Variants in KCNH8 observed in about 807,000 individuals in gnomAD.
The protein encoded by KCNH8 is voltage-gated delayed rectifier potassium channel KCNH8.
A neutral mutation model predicts 103.6 loss-of-function variants in KCNH8; 70 were observed. The observed-to-expected ratio is 0.68, with a 90% CI of 0.56 to 0.82. KCNH8 has a LOEUF of 0.82. Ranked by LOEUF, KCNH8 falls within the 40% of genes least tolerant of loss-of-function variation. The probability of loss-of-function intolerance (pLI) is 0.00; values close to 1 mark genes in which losing one functional copy is unlikely to be tolerated. For synonymous variants in KCNH8, 498 were observed against 489.4 expected, an observed-to-expected ratio of 1.02 and a Z score of -0.23; for missense variants, 1,217 against 1,329.9, an observed-to-expected ratio of 0.92 and a Z score of 1.32.
chr3:19,304,952 C>T (rs9834655), intron 3 of KCNH8, among the ~76,000 whole-genome samples: 283 of 151,710 alleles, frequency 1.9e-3, no homozygotes, highest in African/African-American at 6.4e-3. Flanking sequence ...AAAAGAGTAC[C>T]AAAAATTAAA....
At chr3:19,327,978 G>A (rs989515900) in intron 3 of KCNH8, among the ~76,000 whole-genome samples, 2 of 152,126 alleles carry the variant, frequency 1.3e-5, no homozygotes, top group African/African-American at 4.8e-5. Context: ...CTTAAGAGAT[G>A]CTCAATAAGT....
intron 1 of KCNH8, among the ~76,000 whole-genome samples, chr3:19,209,555 G>A (rs1575438475): frequency 6.6e-6 from 1 of 152,014 alleles, no homozygotes; most frequent in East Asian, 1.9e-4. Flanking sequence ...ACATTGTAAA[G>A]CATTCAAACC....
intron 1 of KCNH8, among the ~76,000 whole-genome samples, chr3:19,160,585 C>T (rs149788774): frequency 1.8e-4 from 27 of 152,158 alleles, no homozygotes; most frequent in Non-Finnish European, 2.9e-4. Context: ...ATACAGTACC[C>T]GGCCCCTTAA....
At position 19,392,215 on chromosome 3, in the gene KCNH8, T is replaced by G. The variant is rs763162851; in HGVS notation, c.969+1577T>G. Among the ~76,000 whole-genome samples, 106 of 150,572 alleles carry G rather than the reference T, an allele frequency of 7.0e-4. 1 individual carries two copies. Among genetic ancestry groups the G allele is most frequent in the South Asian group, 5.4e-3 (26 of 4,806 alleles). ...ATTCGCATGTTTGATGAATTTTAAA[T>G]ATTTATATACTTTCACTACACTCCT... On this transcript the variant is annotated intron_variant, in intron 6 of 15. Transcript: ENST00000328405.
rs370859395 is a variant in KCNH8, at chr3:19,225,788, A to C, written c.77-27866A>C. ...CCGCATTCATAGATGGCTGATTCGG[A>C]TAATATTTATGTCCACAATATGGAC... On this transcript the variant is annotated intron_variant, in intron 1 of 15. Transcript: ENST00000328405. 2.0e-4 allele frequency among the ~76,000 whole-genome samples: 31 copies of C among 152,302 alleles called. No individual in the cohort carries two copies. The South Asian group carries it at 5.8e-3, about 29-fold the overall frequency.
chr3:19,511,394 A>C (rs1179812412), intron 12 of KCNH8, among the ~76,000 whole-genome samples: 1 of 152,208 alleles, frequency 6.6e-6, no homozygotes, highest in East Asian at 1.9e-4. Flanking sequence ...TTGACAGGTT[A>C]TTAGAGAATT....
chr3:19,524,752 G>A (rs1011494444), intron 15 of KCNH8, among the ~76,000 whole-genome samples: 12 of 152,046 alleles, frequency 7.9e-5, no homozygotes, highest in African/African-American at 2.6e-4. Context: ...GGATATATCA[G>A]TAAGGGCCCA....
chr3:19,347,728 G>A lies in KCNH8; in HGVS notation c.574G>A (p.Val192Ile), dbSNP rs377522233. The A allele has an allele frequency of 1.2e-6, 2 of 1,612,726 alleles. No homozygotes were observed. Among genetic ancestry groups the A allele is most frequent in the Non-Finnish European group, 1.7e-6 (2 of 1,179,162 alleles). Residue 192 changes from valine (V) to isoleucine (I), a missense_variant, in exon 5 of 16, where the codon GTT (valine) becomes ATT (isoleucine). Physicochemically the swap from Val to Ile is conservative, Grantham distance 29. This residue lies in a region of KCNH8 where 244 missense variants were observed against 256.8 expected (regional missense o/e 0.95). Coordinates refer to ENST00000328405, the MANE Select transcript of KCNH8 (RefSeq NM_144633.3). ...EKNKLKINNN[V>I]FVDKPAFPEY... ...TCCTTTTTGTCTTCATCCACAGAAT[G>A]TTTTTGTAGATAAACCAGCATTTCC...
intron 11 of KCNH8, among the ~76,000 whole-genome samples, chr3:19,471,872 A>G (rs1309948201): frequency 6.6e-6 from 1 of 152,202 alleles, no homozygotes; most frequent in Non-Finnish European, 1.5e-5. Context: ...CATTCATAGG[A>G]AACATGTTTC....
chr3:19,415,013 CTT>C lies in KCNH8; in HGVS notation c.1177+19704_1177+19705del, dbSNP rs541744880. ...GCCCTTCAGTTCTCACTTGCTCCCT[CTT>C]TCTCTCCTCTACTATTATAAACTTG... On this transcript the variant is annotated intron_variant, in intron 7 of 15. Coordinates refer to ENST00000328405, the MANE Select transcript of KCNH8 (RefSeq NM_144633.3). Among the ~76,000 whole-genome samples the C allele has an allele frequency of 6.4e-4, 98 of 152,078 alleles. No homozygotes were observed. The East Asian group carries it at 0.012, about 18-fold the overall frequency.
chr3:19,315,141 G>C (rs1185069726), intron 3 of KCNH8, among the ~76,000 whole-genome samples: 1 of 151,936 alleles, frequency 6.6e-6, no homozygotes, highest in African/African-American at 2.4e-5. Flanking sequence ...TCATGTTCTA[G>C]AATCATAACA....
chr3:19,259,583 C>G (rs1263661310), intron 2 of KCNH8, among the ~76,000 whole-genome samples: 2 of 151,590 alleles, frequency 1.3e-5, no homozygotes, highest in African/African-American at 2.4e-5. Context: ...GTCATTGTCC[C>G]TTATTTTATT....
chr3:19,248,733 T>A (rs2064238828), intron 1 of KCNH8, among the ~76,000 whole-genome samples: 1 of 152,174 alleles, frequency 6.6e-6, no homozygotes, highest in South Asian at 2.1e-4. Context: ...TGAAAGAAGC[T>A]AATAGTGGAT....
intron 1 of KCNH8, among the ~76,000 whole-genome samples, chr3:19,185,005 C>T (rs1333691350): frequency 1.3e-5 from 2 of 151,828 alleles, no homozygotes; most frequent in African/African-American, 4.8e-5. Flanking sequence ...ATATACCATA[C>T]TTGGTTTATC....
In KCNH8 at chr3:19,534,392, A is replaced by G. The variant is rs1559376115; in HGVS notation, c.*293A>G. The G allele has an allele frequency of 2.6e-6, 1 of 389,038 alleles. No homozygotes were observed. Among genetic ancestry groups the G allele is most frequent in the Non-Finnish European group, 4.6e-6 (1 of 218,278 alleles). The allele number at this position is 389,038 out of a possible 1,614,324, so 24.1% of individuals were successfully genotyped here. On this transcript the variant is annotated 3_prime_UTR_variant, in exon 16 of 16. Coordinates refer to ENST00000328405, the MANE Select transcript of KCNH8 (RefSeq NM_144633.3). ...GGGTCTGAGCAGCTAGAAGTCCTAG[A>G]CAAAGAACTTGTGGATGACTTTTGT...
At chr3:19,351,919 C>T (rs2065808619) in intron 5 of KCNH8, among the ~76,000 whole-genome samples, 1 of 152,030 alleles carries the variant, frequency 6.6e-6, no homozygotes, top group African/African-American at 2.4e-5. Flanking sequence ...GCTAAATGCT[C>T]CAATTAAAAG....
chr3:19,172,697 G>A (rs540524165), intron 1 of KCNH8, among the ~76,000 whole-genome samples: 49 of 152,258 alleles, frequency 3.2e-4, no homozygotes, highest in Non-Finnish European at 5.3e-4. Context: ...CTGAAGAAGC[G>A]GAGGTATGGA....
intron 11 of KCNH8, among the ~76,000 whole-genome samples, chr3:19,481,465 A>G (rs2068085569): frequency 6.6e-6 from 1 of 152,142 alleles, no homozygotes; most frequent in Non-Finnish European, 1.5e-5. Context: ...TAAAGGATAT[A>G]AAAATTTTAT....
intron 1 of KCNH8, among the ~76,000 whole-genome samples, chr3:19,153,999 G>T (rs865793359): frequency 2.0e-5 from 3 of 152,044 alleles, no homozygotes; most frequent in Non-Finnish European, 4.4e-5. Context: ...AGGATATTTG[G>T]AATAAATCAG....
Sources: allele counts gnomAD v4.1 joint callset (sites outside exome capture counted in the v4.1 genomes callset), GRCh38; gene constraint gnomAD v4.1.1; regional missense constraint gnomAD v4.1.1; transcripts MANE v1.5; gene names NCBI Gene and HGNC (gene_info 2026-07-23, HGNC 2026-07-21).